Variants in PCDHA6 observed in about 807,000 individuals in gnomAD.
PCDHA6 encodes the protein protocadherin alpha-6.
PCDHA6 carries 55 observed loss-of-function variants against 60.3 expected under a neutral mutation model. The observed-to-expected ratio is 0.91, with a 90% CI of 0.73 to 1.14. The LOEUF is 1.14. Ranked by LOEUF, PCDHA6 falls within the 50% of genes most tolerant of loss-of-function variation. The probability of loss-of-function intolerance (pLI) is 0.00; values close to 1 mark genes in which losing one functional copy is unlikely to be tolerated. For synonymous variants in PCDHA6, 652 were observed against 557.9 expected, an observed-to-expected ratio of 1.17 and a Z score of -2.38; for missense variants, 1,327 against 1,256.5, an observed-to-expected ratio of 1.06 and a Z score of -0.85.
At position 140,830,257 on chromosome 5, in the gene PCDHA6, G is replaced by A. The variant is rs1581901410; in HGVS notation, c.2166G>A (p.Arg722=). The change falls in exon 1 of 4, where the codon CGG becomes CGA. Residue 722 remains arginine, a synonymous_variant. Coordinates refer to ENST00000529310, the MANE Select transcript of PCDHA6 (RefSeq NM_018909.4). ...VLTLLLYTAL[R]CSAPPTEGAC... ...CGCTACTGCTGTACACAGCGCTGCGGTGCTCGGCGCCACCCACCGAGGGCG... is the reference window on the plus strand; with the variant it reads ...CGCTACTGCTGTACACAGCGCTGCGATGCTCGGCGCCACCCACCGAGGGCG... 3 of 1,613,692 alleles carry A rather than the reference G, an allele frequency of 1.9e-6. No homozygotes were observed. The highest frequency in any genetic ancestry group is 1.7e-6 in the Non-Finnish European group (2 of 1,179,706).
At position 140,848,667 on chromosome 5, in the gene PCDHA6, G is replaced by C; in HGVS notation, c.2394+18182G>C. 6.3e-7 allele frequency: 1 copy of C among 1,592,344 alleles called. No homozygotes were observed. On this transcript the variant is annotated intron_variant, in intron 1 of 3. Transcript: ENST00000529310. ...GCAGGACCTGGGGCTGGAGCTGGCG[G>C]AGCTGGTGCCGCGCCTGTTCCAGTT...
At position 140,996,204 on chromosome 5, in the gene PCDHA6, A is replaced by G. The variant is rs1405552013; in HGVS notation, c.2543-13423A>G. ...TCCATTTTATACCCTCAATGCAAGG[A>G]TATCACTACTTGTCTAGAAATGGTT... On this transcript the variant is annotated intron_variant, in intron 3 of 3. Coordinates refer to ENST00000529310, the MANE Select transcript of PCDHA6 (RefSeq NM_018909.4). Among the ~76,000 whole-genome samples the G allele has an allele frequency of 7.2e-5, 11 of 152,240 alleles. No homozygotes were observed. The South Asian group carries it at 2.3e-3, about 32-fold the overall frequency.
intron 1 of PCDHA6, chr5:140,869,217 G>A: frequency 1.2e-6 from 2 of 1,613,842 alleles, no homozygotes; most frequent in South Asian, 1.1e-5. Context: ...TCTCGGAGGA[G>A]GCCAAACACG....
intron 1 of PCDHA6, chr5:140,869,203 T>C: frequency 6.2e-7 from 1 of 1,614,000 alleles, no homozygotes; most frequent in Non-Finnish European, 8.5e-7. Flanking sequence ...GCTCCACTAC[T>C]CCGTCTCGGA....
intron 1 of PCDHA6, among the ~76,000 whole-genome samples, chr5:140,874,267 A>G (rs929129030): frequency 6.6e-6 from 1 of 152,232 alleles, no homozygotes; most frequent in Non-Finnish European, 1.5e-5. Flanking sequence ...TGACTTGAGT[A>G]TTAATAGACT....
At chr5:140,883,927 G>A (rs781895204) in intron 1 of PCDHA6, 2 of 1,613,456 alleles carry the variant, frequency 1.2e-6, no homozygotes, top group South Asian at 1.1e-5. Flanking sequence ...CGCTGCAGGT[G>A]TTCGTGCTGG....
intron 1 of PCDHA6, chr5:140,867,501 C>G (rs2049995274): frequency 6.6e-6 from 1 of 151,954 alleles, no homozygotes. Context: ...AAAAGTAGAA[C>G]AAAATCTCAA....
intron 1 of PCDHA6, among the ~76,000 whole-genome samples, chr5:140,888,860 A>C (rs1349587487): frequency 6.6e-6 from 1 of 152,086 alleles, no homozygotes; most frequent in Non-Finnish European, 1.5e-5. Flanking sequence ...GAGTGAGACC[A>C]TGTCTCAACA....
At chr5:140,943,509 A>G (rs1053319828) in intron 1 of PCDHA6, among the ~76,000 whole-genome samples, 1 of 152,132 alleles carries the variant, frequency 6.6e-6, no homozygotes, top group East Asian at 1.9e-4. Flanking sequence ...GGTTCATGGA[A>G]ATGTTGAGTT....
chr5:140,866,967 C>T (rs1315852276), intron 1 of PCDHA6: 7 of 152,134 alleles, frequency 4.6e-5, no homozygotes, highest in African/African-American at 1.7e-4. Context: ...ATGGTGACAT[C>T]TGAAATATCA....
At chr5:140,961,591 T>C (rs1280839822) in intron 1 of PCDHA6, among the ~76,000 whole-genome samples, 1 of 152,190 alleles carries the variant, frequency 6.6e-6, no homozygotes, top group African/African-American at 2.4e-5. Flanking sequence ...ATTTTGGCAA[T>C]GATTCTAGTA....
At chr5:140,928,065 T>G in intron 1 of PCDHA6, 20 of 1,614,198 alleles carry the variant, frequency 1.2e-5, no homozygotes, top group Non-Finnish European at 1.6e-5. Context: ...CGGCTTCCTT[T>G]GACAACTACT....
In PCDHA6 at chr5:140,876,309, T is replaced by G. The variant is rs868927753; in HGVS notation, c.2394+45824T>G. On this transcript the variant is annotated intron_variant, in intron 1 of 3. Transcript: ENST00000529310. ...AAGGACTTAATGGAGAAATTTCCTATGGGATCAAAATGATTTTGCCAGTGA... is the reference window on the plus strand; with the variant it reads ...AAGGACTTAATGGAGAAATTTCCTAGGGGATCAAAATGATTTTGCCAGTGA... The G allele has an allele frequency of 6.2e-6, 10 of 1,614,064 alleles. No homozygotes were observed. The Admixed American group carries it at 1.7e-4, about 27-fold the overall frequency.
chr5:140,985,899 C>T (rs1303947192), intron 3 of PCDHA6, among the ~76,000 whole-genome samples: 2 of 152,020 alleles, frequency 1.3e-5, no homozygotes, highest in African/African-American at 4.8e-5. Flanking sequence ...GCCACCACTC[C>T]CGTCTAATTT....
chr5:140,874,818 T>C (rs1169923118), intron 1 of PCDHA6, among the ~76,000 whole-genome samples: 8 of 152,256 alleles, frequency 5.3e-5, no homozygotes, highest in Admixed American at 5.2e-4. Flanking sequence ...ACAATTTATA[T>C]AAATGAAATA....
rs143060335 is a variant in PCDHA6 at position 140,868,584 on chromosome 5, G to A, written c.2394+38099G>A. 748 of 153,118 alleles carry A rather than the reference G, an allele frequency of 4.9e-3. 7 individuals carry two copies. Among genetic ancestry groups the A allele is most frequent in the African/African-American group, 0.016 (680 of 41,552 alleles). The allele number at this position is 153,118 out of a possible 1,614,324, so 9.5% of individuals were successfully genotyped here. A position where few individuals can be genotyped will look rare whatever the true frequency, so the allele number is the denominator to read the frequency against. Reference sequence around the variant, plus strand: ...ATGAGGAACAACACTTTCAGGAAATGTTTAACCCTAGTTTTTCATGAGGCC... The same window carrying A: ...ATGAGGAACAACACTTTCAGGAAATATTTAACCCTAGTTTTTCATGAGGCC... On this transcript the variant is annotated intron_variant, in intron 1 of 3. Transcript: ENST00000529310.
chr5:140,834,810 G>C (rs2150227216), intron 1 of PCDHA6: 6 of 1,612,624 alleles, frequency 3.7e-6, no homozygotes, highest in South Asian at 1.1e-5. Flanking sequence ...TCTGTTCATC[G>C]CGGAATCCAG....
chr5:140,934,001 T>A (rs2089559391), intron 1 of PCDHA6, among the ~76,000 whole-genome samples: 1 of 152,066 alleles, frequency 6.6e-6, no homozygotes, highest in Admixed American at 6.6e-5. Context: ...TCACCTCTCA[T>A]TTTTCTTGAC....
At chr5:140,987,444 C>G (rs2097254283) in intron 3 of PCDHA6, among the ~76,000 whole-genome samples, 1 of 151,998 alleles carries the variant, frequency 6.6e-6, no homozygotes, top group African/African-American at 2.4e-5. Flanking sequence ...TCCCCATGCC[C>G]GAGAGATAAT....
Sources: gnomAD v4.1 joint callset for allele counts (sites outside exome capture counted in the v4.1 genomes callset) on GRCh38, gnomAD v4.1.1 for gene constraint, MANE v1.5 for transcripts, NCBI Gene and HGNC (gene_info 2026-07-23, HGNC 2026-07-21) for gene names.